The following ADCK1 variants were observed in gnomAD, a reference collection of about 807,000 sequenced individuals.
ADCK1 encodes aarF domain-containing protein kinase 1.
A neutral mutation model predicts 52.3 loss-of-function variants in ADCK1; 41 were observed. The ratio of observed to expected loss-of-function variants is 0.78; its 90% CI spans 0.61 to 1.02. The LOEUF (loss-of-function observed/expected upper bound fraction) is 1.02. Among genes scored for constraint, ADCK1 ranks in the 50% least tolerant of loss-of-function variants. The pLI is 0.00. For missense variants in ADCK1, 658 were observed against 679.5 expected, an observed-to-expected ratio of 0.97 and a Z score of 0.35; for synonymous variants, 250 against 274.6, an observed-to-expected ratio of 0.91 and a Z score of 0.89.
At chr14:77,880,539 C>T (rs749370693) in intron 4 of ADCK1, among the ~76,000 whole-genome samples, 26 of 152,102 alleles carry the variant, frequency 1.7e-4, no homozygotes, top group Admixed American at 3.9e-4. Flanking sequence ...TTGCTCTGAG[C>T]GGGAAGCTGG....
chr14:77,811,031 A>G (rs1203333006), intron 1 of ADCK1, among the ~76,000 whole-genome samples: 1 of 149,584 alleles, frequency 6.7e-6, no homozygotes, highest in Non-Finnish European at 1.5e-5. Flanking sequence ...GAAACAAAGT[A>G]GAGGGTGAGT....
intron 3 of ADCK1, among the ~76,000 whole-genome samples, chr14:77,840,231 C>T (rs2082038938): frequency 6.6e-6 from 1 of 152,148 alleles, no homozygotes; most frequent in Non-Finnish European, 1.5e-5. Context: ...CATTCATTCT[C>T]TTATAGTTCT....
intron 4 of ADCK1, among the ~76,000 whole-genome samples, chr14:77,882,522 G>T (rs763025867): frequency 2.1e-4 from 32 of 152,358 alleles, no homozygotes; most frequent in African/African-American, 3.1e-4. Context: ...GGAACAGCAG[G>T]CTGCAATATT....
chr14:77,834,858 C>T (rs1345527608), intron 3 of ADCK1, among the ~76,000 whole-genome samples: 5 of 152,214 alleles, frequency 3.3e-5, no homozygotes, highest in African/African-American at 1.2e-4. Context: ...TGAGGACCTA[C>T]ACTTCTAACA....
At chr14:77,893,123 A>G (rs541736731) in intron 5 of ADCK1, among the ~76,000 whole-genome samples, 2 of 152,274 alleles carry the variant, frequency 1.3e-5, no homozygotes, top group South Asian at 2.1e-4. Flanking sequence ...TGTCCCTTTA[A>G]TAGTTGGGGC....
chr14:77,876,502 A>G (rs1051399438), intron 4 of ADCK1, among the ~76,000 whole-genome samples: 2 of 152,198 alleles, frequency 1.3e-5, no homozygotes, highest in Non-Finnish European at 2.9e-5. Context: ...TAAGGTGAAC[A>G]TCTTTGGGGG....
At chr14:77,914,788 T>C (rs1300912491) in intron 7 of ADCK1, among the ~76,000 whole-genome samples, 1 of 152,204 alleles carries the variant, frequency 6.6e-6, no homozygotes, top group African/African-American at 2.4e-5. Flanking sequence ...TTACTTATAA[T>C]TCATGCGTTC....
chr14:77,828,999 G>A (rs28489182), intron 3 of ADCK1, among the ~76,000 whole-genome samples: 22,551 of 151,004 alleles, frequency 0.15, 2,395 homozygotes, highest in African/African-American at 0.19. Context: ...TGGCTCCTGT[G>A]TCCTTTTGAT....
chr14:77,896,024 AG>A (rs2083402002), intron 5 of ADCK1, among the ~76,000 whole-genome samples: 1 of 152,196 alleles, frequency 6.6e-6, no homozygotes, highest in African/African-American at 2.4e-5. Context: ...AGCACTGTAA[AG>A]TTTTCTGTGT....
At chr14:77,874,292 A>G (rs2082850313) in intron 4 of ADCK1, among the ~76,000 whole-genome samples, 1 of 152,206 alleles carries the variant, frequency 6.6e-6, no homozygotes, top group African/African-American at 2.4e-5. Flanking sequence ...GGTCAGCACA[A>G]GAAGAGAGAA....
chr14:77,863,185 G>A (rs1479267312), intron 4 of ADCK1, among the ~76,000 whole-genome samples: 2 of 152,124 alleles, frequency 1.3e-5, no homozygotes, highest in East Asian at 3.9e-4. Context: ...AGGGAGAGGA[G>A]GACTTGGGGA....
chr14:77,920,541 A>C lies in ADCK1; in HGVS notation c.859-3916A>C, dbSNP rs538322090. ...AGAAGTTGGGTAATGTGATGCCTCC[A>C]GATTTATTCTTTTTGCTTAGTCTTA... is the stretch of plus-strand genomic sequence containing the variant. On this transcript the variant is annotated intron_variant, in intron 7 of 10. Coordinates refer to ENST00000238561, the MANE Select transcript of ADCK1 (RefSeq NM_020421.4). 7.9e-5 allele frequency among the ~76,000 whole-genome samples: 12 copies of C among 152,330 alleles called. No homozygotes were observed. The East Asian group carries it at 2.3e-3, about 29-fold the overall frequency.
chr14:77,865,265 G>A (rs979805257), intron 4 of ADCK1, among the ~76,000 whole-genome samples: 2 of 152,200 alleles, frequency 1.3e-5, no homozygotes, highest in Admixed American at 6.5e-5. Flanking sequence ...GATCACCTGA[G>A]GTTAGGAGTT....
chr14:77,896,411 A>C (rs541370189), intron 5 of ADCK1, among the ~76,000 whole-genome samples: 1 of 152,354 alleles, frequency 6.6e-6, no homozygotes, highest in East Asian at 1.9e-4. Context: ...CAAATGAGAG[A>C]GCCTCATTGT....
At chr14:77,852,683 A>ATATATATTATATATAATATAT (rs1566667364) in intron 3 of ADCK1, among the ~76,000 whole-genome samples, 1 of 84,026 alleles carries the variant, frequency 1.2e-5, no homozygotes, top group Non-Finnish European at 2.4e-5. Context: ...ATATATATAT[A>ATATATATTATATATAATATAT]TATATATATA....
intron 9 of ADCK1, among the ~76,000 whole-genome samples, chr14:77,931,222 G>T (rs1398215599): frequency 6.6e-6 from 1 of 152,168 alleles, no homozygotes; most frequent in Non-Finnish European, 1.5e-5. Flanking sequence ...TAAAATTGCG[G>T]CCAGTGAAAA....
chr14:77,803,652 T>C (rs1594836704), intron 1 of ADCK1, among the ~76,000 whole-genome samples: 1 of 152,304 alleles, frequency 6.6e-6, no homozygotes, highest in East Asian at 1.9e-4. Flanking sequence ...TCCTAAACAT[T>C]TGATAGACTG....
At chr14:77,914,441 C>G in intron 7 of ADCK1, 3 of 985,444 alleles carry the variant, frequency 3.0e-6, no homozygotes, top group Non-Finnish European at 3.6e-6. Flanking sequence ...ATTGCAGGAG[C>G]AGCGAAAAGG....
At chr14:77,892,638 GAA>G (rs11439066) in intron 5 of ADCK1, among the ~76,000 whole-genome samples, 6 of 126,578 alleles carry the variant, frequency 4.7e-5, no homozygotes, top group Admixed American at 1.7e-4. Flanking sequence ...TTCTTTATCA[GAA>G]AAAAAAAAAA....
Sources: gnomAD v4.1 joint callset for allele counts (sites outside exome capture counted in the v4.1 genomes callset) on GRCh38, gnomAD v4.1.1 for gene constraint, MANE v1.5 for transcripts, NCBI Gene and HGNC (gene_info 2026-07-23, HGNC 2026-07-21) for gene names.